Variants in CEP162 observed in about 807,000 individuals in gnomAD.
CEP162 encodes centrosomal protein of 162 kDa.
A neutral mutation model predicts 169.2 loss-of-function variants in CEP162; 141 were observed. The observed-to-expected ratio is 0.83, with a 90% CI of 0.73 to 0.96. CEP162 has a LOEUF of 0.96. Ranked by LOEUF, CEP162 falls within the 40% of genes least tolerant of loss-of-function variation. The pLI, the probability that CEP162 is intolerant of heterozygous loss-of-function variation, is 0.00. For synonymous variants in CEP162, 540 were observed against 526.4 expected, an observed-to-expected ratio of 1.03 and a Z score of -0.35; for missense variants, 1,600 against 1,587.2, an observed-to-expected ratio of 1.01 and a Z score of -0.14.
intron 25 of CEP162, among the ~76,000 whole-genome samples, chr6:84,134,919 TACACACACACACACACACAC>T (rs35312098): frequency 2.0e-5 from 3 of 148,256 alleles, no homozygotes; most frequent in Admixed American, 6.7e-5. Flanking sequence ...AGATCATATA[TACACACACACACACACACAC>T]ACACACACAC....
intron 16 of CEP162, among the ~76,000 whole-genome samples, chr6:84,172,238 C>T (rs1032479615): frequency 7.2e-5 from 11 of 152,062 alleles, no homozygotes; most frequent in South Asian, 2.1e-4. Flanking sequence ...AGTTAAAGAC[C>T]GGTGTTTCTG....
chr6:84,124,594 G>A lies in CEP162; in HGVS notation c.*476C>T, dbSNP rs1008914662. The stretch of plus-strand genomic sequence containing the variant: ...CTCCAATAGGGGAAAGAGTGTGAGC[G>A]GCAGTAAGCGTTGAAAAATTACCTG... On this transcript the variant is annotated 3_prime_UTR_variant, in exon 27 of 27. Transcript: ENST00000403245. 2.8e-5 allele frequency: 5 copies of A among 175,786 alleles called. No individual in the cohort carries two copies. Among genetic ancestry groups the A allele is most frequent in the East Asian group, 1.8e-4 (1 of 5,406 alleles). The allele number at this position is 175,786 out of a possible 1,614,324, so 10.9% of individuals were successfully genotyped here.
At chr6:84,146,832 C>A (rs1400169828) in intron 24 of CEP162, 47 bp from the exon 25 acceptor site, 6 of 963,394 alleles carry the variant, frequency 6.2e-6, no homozygotes, top group Middle Eastern at 4.3e-4. Context: ...CCTCCTTGAA[C>A]ACTATCTGAA....
At chr6:84,149,458 T>C in intron 24 of CEP162, 104 bp downstream of exon 24, 1 of 874,696 alleles carries the variant, frequency 1.1e-6, no homozygotes, top group Non-Finnish European at 1.6e-6. Flanking sequence ...ATCACCAAGC[T>C]GAAAAAGTTA....
At chr6:84,202,959 TTTC>T (rs1233570295) in intron 7 of CEP162, among the ~76,000 whole-genome samples, 1 of 152,164 alleles carries the variant, frequency 6.6e-6, no homozygotes, top group East Asian at 1.9e-4. Flanking sequence ...CTGAAAAGTG[TTTC>T]TTTTGAGTCC....
intron 16 of CEP162, 47 bp from the exon 17 acceptor site, chr6:84,171,765 T>A: frequency 7.9e-6 from 6 of 754,986 alleles, no homozygotes; most frequent in Non-Finnish European, 1.2e-5. Context: ...TCATTAGTAC[T>A]TATATAACAT....
intron 6 of CEP162, among the ~76,000 whole-genome samples, chr6:84,211,133 T>A (rs1186562945): frequency 6.6e-6 from 1 of 151,844 alleles, no homozygotes; most frequent in Non-Finnish European, 1.5e-5. Context: ...AAAATATGTT[T>A]AATATTAAGG....
intron 13 of CEP162, among the ~76,000 whole-genome samples, chr6:84,180,334 G>A (rs947534205): frequency 2.6e-5 from 4 of 152,226 alleles, no homozygotes; most frequent in African/African-American, 9.6e-5. Flanking sequence ...AGGTATTGAT[G>A]GGACGTATCT....
intron 25 of CEP162, among the ~76,000 whole-genome samples, chr6:84,142,395 C>T (rs1307773396): frequency 6.6e-6 from 1 of 152,128 alleles, no homozygotes; most frequent in Non-Finnish European, 1.5e-5. Flanking sequence ...TGTTTATGTA[C>T]ATCTATGTGT....
At chr6:84,154,196 C>T (rs142072103) in intron 22 of CEP162, among the ~76,000 whole-genome samples, 30 of 152,172 alleles carry the variant, frequency 2.0e-4, no homozygotes, top group African/African-American at 4.6e-4. Flanking sequence ...GATTTAGATA[C>T]ATAAAAGTGC....
At chr6:84,126,718 C>T (rs915905398) in intron 25 of CEP162, among the ~76,000 whole-genome samples, 9 of 152,208 alleles carry the variant, frequency 5.9e-5, no homozygotes, top group East Asian at 5.8e-4. Flanking sequence ...TAAGAGGTTC[C>T]GGATGAATGG....
Position 84,196,144 on chromosome 6 carries a change from T to C in CEP162, c.836-1069A>G, listed in dbSNP as rs140079362. 3.4e-3 allele frequency among the ~76,000 whole-genome samples: 524 copies of C among 152,284 alleles called. 3 individuals are homozygous for C. The highest frequency in any genetic ancestry group is 0.012 in the African/African-American group (482 of 41,570). ...TCTTAAATTGTAACTCCCACAATTC[T>C]CATGTGTCATGGGAGGGACCTGGTG... On this transcript the variant is annotated intron_variant, in intron 9 of 26. Coordinates refer to ENST00000403245, the MANE Select transcript of CEP162 (RefSeq NM_014895.4).
In CEP162 at chr6:84,126,407, G is replaced by C; in HGVS notation, c.3976C>G (p.His1326Asp). 1 of 1,602,722 alleles carries C rather than the reference G, an allele frequency of 6.2e-7. No individual in the cohort carries two copies. The change falls in exon 26 of 27, where the codon CAT becomes GAT. Residue 1326 changes from histidine to aspartate, a missense_variant. Physicochemically the swap from His to Asp is moderately conservative, Grantham distance 81. Transcript: ENST00000403245. ...EKKIKQMEMR[H>D]AQREQELQQI... ...TGAAGTTCCTGTTCTCTTTGTGCAT[G>C]TCTCATTTCCATCTGCTTAATTTTC...
chr6:84,205,254 T>C lies in CEP162; in HGVS notation c.572-1158A>G, dbSNP rs567723178. Among the ~76,000 whole-genome samples, 5 of 152,298 alleles carry C rather than the reference T, an allele frequency of 3.3e-5. No individual in the cohort carries two copies. In the South Asian group the frequency reaches 1.0e-3, roughly 32 times the overall value. ...CCAGCATCATCCTGATACCAAAGCC[T>C]GGCAGAGACACAACAACAAAAAAAG... On this transcript the variant is annotated intron_variant, in intron 6 of 26. Coordinates refer to ENST00000403245, the MANE Select transcript of CEP162 (RefSeq NM_014895.4).
At chr6:84,207,713 T>TA (rs575154690) in intron 6 of CEP162, among the ~76,000 whole-genome samples, 36,638 of 148,688 alleles carry the variant, frequency 0.25, 10,205 homozygotes, top group African/African-American at 0.69. Context: ...ACTTAAAGTA[T>TA]AAAAAAAAAA....
intron 18 of CEP162, 111 bp downstream of exon 18, chr6:84,169,217 T>C (rs1003110936): frequency 4.5e-6 from 3 of 661,412 alleles, no homozygotes; most frequent in South Asian, 2.1e-5. Flanking sequence ...ATGAAATTTA[T>C]AGATTTTTTA....
chr6:84,154,187 AT>A (rs1381834146), intron 22 of CEP162, among the ~76,000 whole-genome samples: 3 of 152,166 alleles, frequency 2.0e-5, no homozygotes, highest in African/African-American at 7.2e-5. Context: ...GGGTGTTTAG[AT>A]TTAGATACAT....
At chr6:84,138,209 ACTC>A (rs1342060615) in intron 25 of CEP162, among the ~76,000 whole-genome samples, 1 of 152,080 alleles carries the variant, frequency 6.6e-6, no homozygotes, top group African/African-American at 2.4e-5. Context: ...TCAAGGGGAG[ACTC>A]CTCCTTTAAA....
intron 13 of CEP162, among the ~76,000 whole-genome samples, chr6:84,180,273 G>A (rs2099534211): frequency 6.6e-6 from 1 of 152,036 alleles, no homozygotes; most frequent in Non-Finnish European, 1.5e-5. Flanking sequence ...ATGTAGAAAA[G>A]GCCTTTGACA....
Sources: allele counts gnomAD v4.1 joint callset (sites outside exome capture counted in the v4.1 genomes callset), GRCh38; gene constraint gnomAD v4.1.1; transcripts MANE v1.5; gene names NCBI Gene and HGNC (gene_info 2026-07-23, HGNC 2026-07-21).